The following ZNF267 variants were observed in gnomAD, a reference collection of about 807,000 sequenced individuals.
ZNF267 encodes the protein zinc finger (C2H2).
Under a neutral mutation model 71.6 loss-of-function variants are expected in ZNF267, and 61 were observed. The ratio of observed to expected loss-of-function variants is 0.85; its 90% CI spans 0.69 to 1.05. The LOEUF (loss-of-function observed/expected upper bound fraction) is 1.05. Among genes scored for constraint, ZNF267 ranks in the 50% least tolerant of loss-of-function variants. ZNF267 has a pLI of 0.00. For synonymous variants in ZNF267, 288 were observed against 293.2 expected, an observed-to-expected ratio of 0.98 and a Z score of 0.18; for missense variants, 852 against 870.0, an observed-to-expected ratio of 0.98 and a Z score of 0.26.
At chr16:31,884,348 A>G in intron 1 of ZNF267, 150 bp from the exon 2 acceptor site, 1 of 926,202 alleles carries the variant, frequency 1.1e-6, no homozygotes, top group East Asian at 2.6e-5. Flanking sequence ...TTGAGACTAC[A>G]TTAGAAAATA....
chr16:31,894,830 C>T lies in ZNF267; in HGVS notation c.226+9574C>T, dbSNP rs1419872823. On this transcript the variant is annotated intron_variant, in intron 3 of 3. Transcript: ENST00000300870. ...ATACATTGACTTCTTTAGTAAGTGC[C>T]GTGAACTCCTGTGGAGGTGGAGTGT... 4.2e-5 allele frequency: 20 copies of T among 476,910 alleles called. No individual in the cohort carries two copies. The East Asian group carries it at 5.1e-4, about 12-fold the overall frequency. The allele number at this position is 476,910 out of a possible 1,614,324, so 29.5% of individuals were successfully genotyped here.
At chr16:31,892,725 G>A (rs1567474941) in intron 3 of ZNF267, among the ~76,000 whole-genome samples, 1 of 152,228 alleles carries the variant, frequency 6.6e-6, no homozygotes, top group African/African-American at 2.4e-5. Context: ...AAATCTTAAA[G>A]CTCCAAGATG....
At chr16:31,904,554 C>G (rs145705537) in intron 3 of ZNF267, among the ~76,000 whole-genome samples, 100 of 152,308 alleles carry the variant, frequency 6.6e-4, no homozygotes, top group African/African-American at 2.3e-3. Flanking sequence ...CCTTCTTTCT[C>G]TCTTTGGATC....
intron 3 of ZNF267, among the ~76,000 whole-genome samples, chr16:31,891,712 A>G (rs1395617201): frequency 2.0e-5 from 3 of 152,182 alleles, no homozygotes; most frequent in Non-Finnish European, 4.4e-5. Flanking sequence ...TTCCACCATG[A>G]TTGTGAGGCC....
At chr16:31,885,727 G>A (rs1265676568) in intron 3 of ZNF267, among the ~76,000 whole-genome samples, 1 of 152,102 alleles carries the variant, frequency 6.6e-6, no homozygotes, top group Non-Finnish European at 1.5e-5. Context: ...ATTTTTAATC[G>A]TATTGTGGTT....
At chr16:31,912,022 G>A (rs921939758) in intron 3 of ZNF267, 3 of 151,250 alleles carry the variant, frequency 2.0e-5, no homozygotes, top group African/African-American at 7.4e-5. Flanking sequence ...TACTGTCTTT[G>A]TCTTGAAACA....
chr16:31,881,219 C>T (rs1172996133), intron 1 of ZNF267, among the ~76,000 whole-genome samples: 5 of 152,074 alleles, frequency 3.3e-5, no homozygotes, highest in Non-Finnish European at 5.9e-5. Flanking sequence ...CAAGGCAAAC[C>T]ATGGGAGTCA....
chr16:31,900,682 G>C (rs2084032913), intron 3 of ZNF267, among the ~76,000 whole-genome samples: 1 of 150,778 alleles, frequency 6.6e-6, no homozygotes, highest in Non-Finnish European at 1.5e-5. Context: ...CTGACCTCGT[G>C]ATCCACCCGT....
Position 31,884,604 on chromosome 16 carries a change from A to G in ZNF267, c.110A>G (p.Tyr37Cys), listed in dbSNP as rs944429690. ...TATCAGGATGTGATGTTAGAAAACT[A>G]CAGAAACCTGGTCTCTCTGGGTGAG... The part of the protein sequence containing the change: ...NLYQDVMLEN[Y>C]RNLVSLGLVV... The change falls in exon 2 of 4, where the codon TAC becomes TGC. Residue 37 changes from tyrosine (Y) to cysteine (C), a missense_variant. By Grantham distance (194) the Tyr-to-Cys change is radical (BLOSUM62 -2). Transcript: ENST00000300870. 13 of 1,614,098 alleles carry G rather than the reference A, an allele frequency of 8.1e-6. No individual in the cohort carries two copies. Among genetic ancestry groups the G allele is most frequent in the Non-Finnish European group, 1.0e-5 (12 of 1,179,986 alleles).
chr16:31,878,661 G>A (rs1342949482), intron 1 of ZNF267, among the ~76,000 whole-genome samples: 2 of 152,166 alleles, frequency 1.3e-5, no homozygotes, highest in Non-Finnish European at 2.9e-5. Flanking sequence ...ACCTGGGCCA[G>A]TATCTGTAGC....
chr16:31,906,599 G>A (rs1343034959), intron 3 of ZNF267, among the ~76,000 whole-genome samples: 2 of 152,172 alleles, frequency 1.3e-5, no homozygotes, highest in Admixed American at 1.3e-4. Flanking sequence ...ATAATCTCCT[G>A]GTGTGCCGTT....
chr16:31,904,752 G>C (rs891514102), intron 3 of ZNF267, among the ~76,000 whole-genome samples: 6 of 152,158 alleles, frequency 3.9e-5, no homozygotes, highest in African/African-American at 1.4e-4. Flanking sequence ...TTGCCAGTCT[G>C]TGTCTTTTAA....
At chr16:31,893,092 G>A (rs2083972336) in intron 3 of ZNF267, among the ~76,000 whole-genome samples, 1 of 152,242 alleles carries the variant, frequency 6.6e-6, no homozygotes, top group African/African-American at 2.4e-5. Flanking sequence ...GCATTTCTGT[G>A]TATCCTCTGA....
At chr16:31,891,809 G>A (rs1023834434) in intron 3 of ZNF267, among the ~76,000 whole-genome samples, 3 of 152,164 alleles carry the variant, frequency 2.0e-5, no homozygotes, top group African/African-American at 7.2e-5. Flanking sequence ...CAGCAGTTAT[G>A]AAAACGGAGT....
At chr16:31,885,018 T>C in intron 2 of ZNF267, 143 bp from the exon 3 acceptor site, 1 of 547,990 alleles carries the variant, frequency 1.8e-6, no homozygotes, top group Non-Finnish European at 2.9e-6. Flanking sequence ...TTTTCAAGAA[T>C]CTTCTATAAT....
In ZNF267 at chr16:31,915,442, A is replaced by G; in HGVS notation, c.1193A>G (p.His398Arg). Residue 398 changes from histidine (H) to arginine (R), a missense_variant, in exon 4 of 4, where the codon CAT becomes CGT. Physicochemically the swap from His to Arg is conservative, Grantham distance 29. Coordinates refer to ENST00000300870, the MANE Select transcript of ZNF267 (RefSeq NM_003414.6). ...ACTCGTTCCTCCAATCTTATTGTGC[A>G]TCAGAGAATTCACACTGGAGAGAAA... is the stretch of plus-strand genomic sequence containing the variant. ...SFTRSSNLIV[H>R]QRIHTGEKPY... 1.2e-6 allele frequency: 2 copies of G among 1,613,980 alleles called. No homozygotes were observed. Among genetic ancestry groups the G allele is most frequent in the Admixed American group, 1.7e-5 (1 of 60,022 alleles).
At chr16:31,905,391 G>C (rs2084080519) in intron 3 of ZNF267, among the ~76,000 whole-genome samples, 1 of 152,116 alleles carries the variant, frequency 6.6e-6, no homozygotes. Flanking sequence ...TTTCCAACTT[G>C]GTTCCATTCT....
At chr16:31,889,020 A>T (rs1047792110) in intron 3 of ZNF267, among the ~76,000 whole-genome samples, 1 of 151,614 alleles carries the variant, frequency 6.6e-6, no homozygotes, top group African/African-American at 2.4e-5. Context: ...GTTTCTTCAC[A>T]GTGTGGTGTT....
chr16:31,890,164 T>A (rs1339397763), intron 3 of ZNF267: 1 of 152,204 alleles, frequency 6.6e-6, no homozygotes, highest in Admixed American at 6.5e-5. Context: ...TCTTTTTTTT[T>A]ATTAGTTTTC....
Sources: allele counts gnomAD v4.1 joint callset (sites outside exome capture counted in the v4.1 genomes callset), GRCh38; gene constraint gnomAD v4.1.1; transcripts MANE v1.5; gene names NCBI Gene and HGNC (gene_info 2026-07-23, HGNC 2026-07-21).